The following CPED1 variants were observed in gnomAD, a reference collection of about 807,000 sequenced individuals.
CPED1 encodes the protein cadherin like and PC-esterase domain containing 1.
In CPED1, 114 loss-of-function variants were observed where a neutral mutation model predicts 128.2. That is an observed-to-expected ratio of 0.89 (90% confidence interval 0.76 to 1.04). CPED1 has a LOEUF of 1.04. Among genes scored for constraint, CPED1 ranks in the 50% least tolerant of loss-of-function variants. CPED1 has a pLI of 0.00. For missense variants in CPED1, 1,211 were observed against 1,207.1 expected, an observed-to-expected ratio of 1.00 and a Z score of -0.05; for synonymous variants, 462 against 426.7, an observed-to-expected ratio of 1.08 and a Z score of -1.02.
At chr7:121,236,929 G>T (rs939236811) in intron 17 of CPED1, 98 bp downstream of exon 17, 9 of 538,098 alleles carry the variant, frequency 1.7e-5, no homozygotes, top group African/African-American at 7.8e-5. Context: ...AAAAACAAGG[G>T]CATTACTTTT....
At chr7:121,005,588 T>C (rs1301895342) in intron 2 of CPED1, among the ~76,000 whole-genome samples, 2 of 152,122 alleles carry the variant, frequency 1.3e-5, no homozygotes, top group African/African-American at 4.8e-5. Context: ...CGATGGTACA[T>C]GTATACCTAT....
intron 5 of CPED1, among the ~76,000 whole-genome samples, chr7:121,081,422 G>A (rs1794291265): frequency 6.6e-6 from 1 of 152,094 alleles, no homozygotes. Flanking sequence ...AGAGAAGCAT[G>A]AACTCTATTA....
intron 17 of CPED1, 99 bp downstream of exon 17, chr7:121,236,930 C>A: frequency 1.9e-6 from 1 of 538,234 alleles, no homozygotes; most frequent in Non-Finnish European, 3.2e-6. Context: ...AAAACAAGGG[C>A]ATTACTTTTT....
Position 121,192,475 on chromosome 7 carries a change from A to G in CPED1, c.2056-44239A>G, listed in dbSNP as rs1013825116. ...ATATACAACCTATAGGATGGATGAT[A>G]TGCATGAGTGTACATGCTGCTTTGG... On this transcript the variant is annotated intron_variant, in intron 16 of 22. Coordinates refer to ENST00000310396, the MANE Select transcript of CPED1 (RefSeq NM_024913.5). Among the ~76,000 whole-genome samples the G allele has an allele frequency of 6.1e-4, 93 of 152,296 alleles. 1 individual carries two copies. Among genetic ancestry groups the G allele is most frequent in the African/African-American group, 2.1e-3 (88 of 41,588 alleles).
At chr7:121,029,802 G>A (rs1196004908) in intron 3 of CPED1, among the ~76,000 whole-genome samples, 1 of 152,054 alleles carries the variant, frequency 6.6e-6, no homozygotes, top group African/African-American at 2.4e-5. Context: ...GTCACATTGA[G>A]TATTTTTAAG....
intron 4 of CPED1, among the ~76,000 whole-genome samples, chr7:121,054,853 A>G (rs1378320893): frequency 6.6e-6 from 1 of 151,832 alleles, no homozygotes; most frequent in African/African-American, 2.4e-5. Flanking sequence ...CCTACCCTTA[A>G]CAGTCACCAC....
chr7:121,079,439 T>G (rs1794222699), intron 5 of CPED1, among the ~76,000 whole-genome samples: 1 of 152,254 alleles, frequency 6.6e-6, no homozygotes, highest in South Asian at 2.1e-4. Context: ...TTTCCTTCCC[T>G]TCAGCACCAA....
chr7:121,003,310 C>T lies in CPED1; in HGVS notation c.250-12355C>T, dbSNP rs115822458. On this transcript the variant is annotated intron_variant, in intron 2 of 22. Transcript: ENST00000310396. The stretch of plus-strand genomic sequence containing the variant: ...ACCTGACTGAGACCTACTGCTAGAC[C>T]CTTTAAGAATAAACTAGAACTCTAG... 2.0e-3 allele frequency among the ~76,000 whole-genome samples: 297 copies of T among 152,222 alleles called. 2 individuals carry two copies. Among genetic ancestry groups the T allele is most frequent in the African/African-American group, 6.6e-3 (273 of 41,530 alleles).
At position 121,113,243 on chromosome 7, in the gene CPED1, A is replaced by G. The variant is rs140517541; in HGVS notation, c.919-11088A>G. ...ACTCCAGAACTGTTTGGAAATCCCT[A>G]CTATGTGCTGGGCCATGTGAAGAAA... On this transcript the variant is annotated intron_variant, in intron 7 of 22. Coordinates refer to ENST00000310396, the MANE Select transcript of CPED1 (RefSeq NM_024913.5). Among the ~76,000 whole-genome samples the G allele has an allele frequency of 1.4e-3, 208 of 152,296 alleles. No individual in the cohort carries two copies. The East Asian group carries it at 0.021, about 16-fold the overall frequency.
intron 5 of CPED1, among the ~76,000 whole-genome samples, chr7:121,082,397 G>A (rs555339482): frequency 6.6e-6 from 1 of 152,114 alleles, no homozygotes; most frequent in East Asian, 1.9e-4. Context: ...GCTTTTTTGA[G>A]GCATTCTGAT....
chr7:121,205,365 T>TC (rs1181210529), intron 16 of CPED1, among the ~76,000 whole-genome samples: 1 of 152,062 alleles, frequency 6.6e-6, no homozygotes, highest in Non-Finnish European at 1.5e-5. Flanking sequence ...CTTATATTTT[T>TC]CACCCTATAA....
At chr7:121,100,121 T>C (rs1794813248) in intron 7 of CPED1, 27 bp downstream of exon 7, 7 of 1,608,822 alleles carry the variant, frequency 4.4e-6, no homozygotes, top group Non-Finnish European at 5.1e-6. Flanking sequence ...AGCTATTATT[T>C]CACGTAAGTA....
intron 7 of CPED1, among the ~76,000 whole-genome samples, chr7:121,113,455 T>C (rs1198959889): frequency 6.6e-6 from 1 of 152,214 alleles, no homozygotes; most frequent in African/African-American, 2.4e-5. Context: ...TGGATGGTAT[T>C]TTAGCTGGGC....
chr7:121,296,942 A>G lies in CPED1; in HGVS notation c.*1290A>G, dbSNP rs1481763788. On this transcript the variant is annotated 3_prime_UTR_variant, in exon 23 of 23. Coordinates refer to ENST00000310396, the MANE Select transcript of CPED1 (RefSeq NM_024913.5). The stretch of plus-strand genomic sequence containing the variant: ...TTTCACTACCATACAAGAAAAAAAC[A>G]CCTATTTTGATTGATCAGTTCTTTT... The G allele has an allele frequency of 6.6e-6, 1 of 152,276 alleles. No homozygotes were observed. The highest frequency in any genetic ancestry group is 1.9e-4 in the East Asian group (1 of 5,202). 9.4% of individuals were successfully genotyped at this position (152,276 alleles called of 1,614,324 possible). A position where few individuals can be genotyped will look rare whatever the true frequency, so the allele number is the denominator to read the frequency against.
rs571294474 is a variant in CPED1, at chr7:121,136,034, T to A, written c.1649-6T>A. 93 of 1,524,266 alleles carry A rather than the reference T, an allele frequency of 6.1e-5. No individual in the cohort carries two copies. Among genetic ancestry groups the A allele is most frequent in the Middle Eastern group, 1.8e-4 (1 of 5,644 alleles). The allele number at this position is 1,524,266 out of a possible 1,614,324, so 94.4% of individuals were successfully genotyped here. ...ATTTTAAATTTACATTTCTTTTTTTTTTTAGCTGCAGTTCCACAAATTAAA... is the reference window on the plus strand; with the variant it reads ...ATTTTAAATTTACATTTCTTTTTTTATTTAGCTGCAGTTCCACAAATTAAA... On this transcript the variant is annotated splice_region_variant and splice_polypyrimidine_tract_variant and intron_variant, in intron 13 of 22. Transcript: ENST00000310396.
At chr7:121,074,585 G>T (rs1794077616) in intron 5 of CPED1, among the ~76,000 whole-genome samples, 1 of 124,494 alleles carries the variant, frequency 8.0e-6, no homozygotes. Flanking sequence ...TCTCCTCAAT[G>T]ATTTTCTTAA....
At chr7:121,035,566 G>T (rs1262303454) in intron 3 of CPED1, among the ~76,000 whole-genome samples, 1 of 152,100 alleles carries the variant, frequency 6.6e-6, no homozygotes, top group Non-Finnish European at 1.5e-5. Context: ...GGGCACAGTG[G>T]CTCAGGCCTG....
chr7:121,133,958 A>G, intron 13 of CPED1, 65 bp downstream of exon 13: 1 of 897,432 alleles, frequency 1.1e-6, no homozygotes, highest in Non-Finnish European at 1.7e-6. Context: ...AAAAAAATGC[A>G]AAACTATTTA....
At chr7:121,089,018 AG>A in intron 5 of CPED1, among the ~76,000 whole-genome samples, 1 of 152,324 alleles carries the variant, frequency 6.6e-6, no homozygotes, top group Non-Finnish European at 1.5e-5. Context: ...CTTCTGACTC[AG>A]GCCCTTGGGT....
Sources: allele counts gnomAD v4.1 joint callset (sites outside exome capture counted in the v4.1 genomes callset), GRCh38; gene constraint gnomAD v4.1.1; transcripts MANE v1.5; gene names NCBI Gene and HGNC (gene_info 2026-07-23, HGNC 2026-07-21).